The following WDR37 variants were observed in gnomAD, a reference collection of about 807,000 sequenced individuals.
The protein encoded by WDR37 is WD repeat-containing protein 37.
In WDR37, 19 loss-of-function variants were observed where a neutral mutation model predicts 62.9. That is an observed-to-expected ratio of 0.30 (90% CI 0.21 to 0.44). The LOEUF is 0.44. Ranked by LOEUF, WDR37 falls within the 20% of genes least tolerant of loss-of-function variation. The pLI, the probability that WDR37 is intolerant of heterozygous loss-of-function variation, is 1.00. For synonymous variants in WDR37, 250 were observed against 260.9 expected, an observed-to-expected ratio of 0.96 and a Z score of 0.40; for missense variants, 474 against 657.6, an observed-to-expected ratio of 0.72 and a Z score of 3.05.
At chr10:1,097,820 G>A (rs1459744264) in intron 9 of WDR37, among the ~76,000 whole-genome samples, 2 of 152,168 alleles carry the variant, frequency 1.3e-5, no homozygotes, top group South Asian at 2.1e-4. Flanking sequence ...GAAAGGGAGC[G>A]TCTGTCCAGT....
At chr10:1,113,626 C>T (rs11250268) in intron 11 of WDR37, among the ~76,000 whole-genome samples, 2 of 152,054 alleles carry the variant, frequency 1.3e-5, no homozygotes, top group African/African-American at 4.8e-5. Context: ...ATTTGAGAGA[C>T]GTTGAGGGGT....
intron 1 of WDR37, among the ~76,000 whole-genome samples, chr10:1,061,088 G>A (rs1833357941): frequency 6.6e-6 from 1 of 152,186 alleles, no homozygotes; most frequent in Admixed American, 6.5e-5. Context: ...AATTGGATTT[G>A]GGAACTCTGT....
intron 11 of WDR37, among the ~76,000 whole-genome samples, chr10:1,119,848 G>A (rs1267590557): frequency 1.3e-5 from 2 of 152,188 alleles, no homozygotes; most frequent in South Asian, 4.1e-4. Context: ...CAGTGACTTA[G>A]TTGGGAAATC....
intron 11 of WDR37, among the ~76,000 whole-genome samples, chr10:1,112,116 A>G (rs1835236555): frequency 6.6e-6 from 1 of 152,070 alleles, no homozygotes; most frequent in Admixed American, 6.6e-5. Context: ...TTTGCAAATG[A>G]AGGTCTGTGG....
chr10:1,124,977 G>A lies in WDR37; in HGVS notation c.1306G>A (p.Asp436Asn). The change falls in exon 13 of 14, where the codon GAT (aspartate) becomes AAT (asparagine). Residue 436 changes from aspartate to asparagine, a missense_variant. By Grantham distance (23) the Asp-to-Asn change is conservative. Coordinates refer to ENST00000263150, the MANE Select transcript of WDR37 (RefSeq NM_014023.4). Reference protein sequence around the residue: ...PHDNRQVRLFDMSGVRLARLP... With the variant: ...PHDNRQVRLFNMSGVRLARLP... ...TGACAACCGACAAGTGAGACTGTTT[G>A]ATATGTCAGGAGTGCGCCTGGCGCG... 2 of 1,614,218 alleles carry A rather than the reference G, an allele frequency of 1.2e-6. No homozygotes were observed. Among genetic ancestry groups the A allele is most frequent in the Non-Finnish European group, 1.7e-6 (2 of 1,180,046 alleles).
chr10:1,107,643 T>C (rs1835066931), intron 11 of WDR37, among the ~76,000 whole-genome samples: 2 of 151,788 alleles, frequency 1.3e-5, no homozygotes, highest in African/African-American at 4.8e-5. Flanking sequence ...TACACATGTG[T>C]ACACACCTCT....
At chr10:1,124,758 T>C in intron 12 of WDR37, 152 bp from the exon 13 acceptor site, 1 of 1,055,778 alleles carries the variant, frequency 9.5e-7, no homozygotes, top group East Asian at 2.6e-5. Context: ...TGGTCTCTTT[T>C]GAATACCGTA....
At chr10:1,069,152 T>G (rs998416094) in intron 1 of WDR37, among the ~76,000 whole-genome samples, 1 of 152,008 alleles carries the variant, frequency 6.6e-6, no homozygotes, top group Non-Finnish European at 1.5e-5. Flanking sequence ...CTGAGTATAC[T>G]GAGAGCCATT....
chr10:1,103,496 A>G lies in WDR37; in HGVS notation c.727-106A>G. The G allele has an allele frequency of 3.3e-6, 4 of 1,199,640 alleles. No individual in the cohort carries two copies. The highest frequency in any genetic ancestry group is 3.5e-6 in the Non-Finnish European group (3 of 851,370). The allele number at this position is 1,199,640 out of a possible 1,614,324, so 74.3% of individuals were successfully genotyped here. A position where few individuals can be genotyped will look rare whatever the true frequency, so the allele number is the denominator to read the frequency against. ...CCTAGTGGTGACCATCATGATGGAT[A>G]TGTCCTCAAGAGATTAATGAGAACC... On this transcript the variant is annotated intron_variant, in intron 9 of 13. Coordinates refer to ENST00000263150, the MANE Select transcript of WDR37 (RefSeq NM_014023.4). This position sits in a 1 kb window ranked among gnomAD's most constrained non-coding sequence, Gnocchi z 6.3.
At chr10:1,118,679 C>G (rs1461239328) in intron 11 of WDR37, among the ~76,000 whole-genome samples, 1 of 152,154 alleles carries the variant, frequency 6.6e-6, no homozygotes, top group Non-Finnish European at 1.5e-5. Context: ...GCACGATGTT[C>G]CACAGAAGCG....
At chr10:1,086,222 T>C (rs1834195624) in intron 6 of WDR37, 64 bp from the exon 7 acceptor site, 1 of 1,385,010 alleles carries the variant, frequency 7.2e-7, no homozygotes, top group African/African-American at 1.4e-5. Flanking sequence ...TGTCTTATTC[T>C]TTCATTTGAA....
chr10:1,121,430 C>T lies in WDR37; in HGVS notation c.1104-2788C>T, dbSNP rs1449029500. Among the ~76,000 whole-genome samples, 4 of 152,110 alleles carry T rather than the reference C, an allele frequency of 2.6e-5. No individual in the cohort carries two copies. Among genetic ancestry groups the T allele is most frequent in the African/African-American group, 7.2e-5 (3 of 41,416 alleles). On this transcript the variant is annotated intron_variant, in intron 11 of 13. Transcript: ENST00000263150. This position sits in a 1 kb window ranked among gnomAD's most constrained non-coding sequence, Gnocchi z 4.5. ...TAACCTTCTCACTGAAGCGTGGCAG[C>T]GTCTGATTTATAGTCAAGCTCTCAT...
intron 11 of WDR37, among the ~76,000 whole-genome samples, chr10:1,122,821 A>G (rs1055701101): frequency 5.9e-5 from 9 of 152,236 alleles, no homozygotes; most frequent in African/African-American, 1.4e-4. Context: ...TGGTGAGGAC[A>G]TGATTTCCTC....
intron 5 of WDR37, among the ~76,000 whole-genome samples, chr10:1,084,087 T>G (rs1198718366): frequency 6.6e-6 from 1 of 152,142 alleles, no homozygotes; most frequent in Non-Finnish European, 1.5e-5. Flanking sequence ...TGGTTTGGGT[T>G]TGGGGGAGAG....
intron 5 of WDR37, among the ~76,000 whole-genome samples, chr10:1,080,926 T>C (rs74120451): frequency 0.083 from 12,585 of 151,834 alleles, 546 homozygotes; most frequent in African/African-American, 0.11. Context: ...AAAAAGAATG[T>C]CACTATGCAG....
At chr10:1,060,289 T>TA (rs1440524894) in intron 1 of WDR37, among the ~76,000 whole-genome samples, 3 of 152,208 alleles carry the variant, frequency 2.0e-5, no homozygotes, top group African/African-American at 7.2e-5. Context: ...TCTGACTGCT[T>TA]ACAAGCAGTG....
At chr10:1,080,974 T>A (rs1156531303) in intron 5 of WDR37, among the ~76,000 whole-genome samples, 1 of 152,184 alleles carries the variant, frequency 6.6e-6, no homozygotes, top group Non-Finnish European at 1.5e-5. Flanking sequence ...CCTACAGGGA[T>A]TAATATATGA....
At chr10:1,072,821 A>G (rs1833767258) in intron 2 of WDR37, among the ~76,000 whole-genome samples, 1 of 152,242 alleles carries the variant, frequency 6.6e-6, no homozygotes, top group Non-Finnish European at 1.5e-5. Context: ...CTAAGTAATA[A>G]CAAATCAAAG....
chr10:1,069,389 A>ATATTTTTTTTTTTTTTT, intron 1 of WDR37, among the ~76,000 whole-genome samples: 5 of 95,778 alleles, frequency 5.2e-5, no homozygotes, highest in South Asian at 3.8e-4. Context: ...ATATATATAT[A>ATATTTTTTTTTTTTTTT]TTTTTTTTTT....
Sources: allele counts gnomAD v4.1 joint callset (sites outside exome capture counted in the v4.1 genomes callset), GRCh38; gene constraint gnomAD v4.1.1; non-coding constraint Gnocchi (gnomAD v3.1); transcripts MANE v1.5; gene names NCBI Gene and HGNC (gene_info 2026-07-23, HGNC 2026-07-21).